The following GLCCI1 variants were observed in gnomAD, a reference collection of about 807,000 sequenced individuals.
GLCCI1 encodes glucocorticoid induced 1, also known as glucocorticoid-induced transcript 1 protein.
Under a neutral mutation model 52.2 loss-of-function variants are expected in GLCCI1, and 24 were observed. That is an observed-to-expected ratio of 0.46 (90% CI 0.33 to 0.65). The LOEUF (loss-of-function observed/expected upper bound fraction) is 0.65, where lower values mean the gene tolerates loss of function less well. GLCCI1 is among the 30% of genes least tolerant of loss of function. The probability of loss-of-function intolerance (pLI) is 0.02; values close to 1 mark genes in which losing one functional copy is unlikely to be tolerated. For synonymous variants in GLCCI1, 310 were observed against 276.5 expected, an observed-to-expected ratio of 1.12 and a Z score of -1.20; for missense variants, 704 against 701.5, an observed-to-expected ratio of 1.00 and a Z score of -0.04.
In GLCCI1 at chr7:8,067,606, G is replaced by A. The variant is rs1380786966; in HGVS notation, c.967-3315G>A. 2.0e-5 allele frequency among the ~76,000 whole-genome samples: 3 copies of A among 152,144 alleles called. No homozygotes were observed. In the East Asian group the frequency reaches 5.8e-4, roughly 29 times the overall value. ...TCTTACCATTTGCTTGTCTGAAAAG[G>A]ATCTTATTTGTCCTGTGCTTATGTA... On this transcript the variant is annotated intron_variant, in intron 5 of 7. Transcript: ENST00000223145.
chr7:8,005,093 T>TA (rs1781121215), intron 2 of GLCCI1, among the ~76,000 whole-genome samples: 1 of 152,182 alleles, frequency 6.6e-6, no homozygotes, highest in African/African-American at 2.4e-5. Flanking sequence ...ATAAGTTTAA[T>TA]ATGGCAGGCA....
Position 8,086,536 on chromosome 7 carries a change from TA to T in GLCCI1, c.*4del. 6.3e-7 allele frequency: 1 copy of T among 1,575,166 alleles called. No homozygotes were observed. On this transcript the variant is annotated frameshift_variant and stop_lost, in exon 8 of 8. Coordinates refer to ENST00000223145, the MANE Select transcript of GLCCI1 (RefSeq NM_138426.4). LOFTEE classifies it high-confidence loss of function. The surrounding 1 kb of genome is among the most constrained non-coding windows in gnomAD (Gnocchi z 4.4). ...HISAQNYVII* is the reference protein window; with the variant it reads ...HISAQNYVIIX ...CTCTGCTCAGAACTATGTGATCATC[TA>T]AAAAAGGGGGAGCTGGCCTCCACCC...
intron 1 of GLCCI1, among the ~76,000 whole-genome samples, chr7:7,979,341 G>C (rs1189817607): frequency 1.3e-5 from 2 of 151,888 alleles, no homozygotes; most frequent in Non-Finnish European, 2.9e-5. Context: ...CAAATAGTGG[G>C]TCAAATTCTT....
At chr7:7,972,991 G>A (rs540342413) in intron 1 of GLCCI1, among the ~76,000 whole-genome samples, 15 of 151,946 alleles carry the variant, frequency 9.9e-5, no homozygotes, top group African/African-American at 3.6e-4. Flanking sequence ...AAACTTCAAG[G>A]TTTGTTATTT....
chr7:7,980,684 T>C, intron 1 of GLCCI1: 1 of 759,090 alleles, frequency 1.3e-6, no homozygotes, highest in Non-Finnish European at 2.3e-6. Context: ...ATGTCCATGG[T>C]GAATAATGAC....
chr7:8,027,196 A>G (rs1413011176), intron 3 of GLCCI1, among the ~76,000 whole-genome samples: 1 of 152,208 alleles, frequency 6.6e-6, no homozygotes, highest in African/African-American at 2.4e-5. Flanking sequence ...CAGACAAAGA[A>G]TTCAAAGTAG....
chr7:7,992,425 T>C (rs1377056181), intron 1 of GLCCI1, among the ~76,000 whole-genome samples: 3 of 152,006 alleles, frequency 2.0e-5, no homozygotes, highest in African/African-American at 7.2e-5. Context: ...TAATAGATTT[T>C]CAGGAAAGAC....
chr7:7,978,331 A>G (rs943859297), intron 1 of GLCCI1, among the ~76,000 whole-genome samples: 1 of 152,184 alleles, frequency 6.6e-6, no homozygotes, highest in Non-Finnish European at 1.5e-5. Flanking sequence ...ATGATTCTCT[A>G]CATTTATCAT....
intron 3 of GLCCI1, among the ~76,000 whole-genome samples, chr7:8,035,893 T>C (rs1781856490): frequency 6.6e-6 from 1 of 152,174 alleles, no homozygotes. Context: ...TCAGGGCTAG[T>C]GATTGTGTCC....
At chr7:8,063,437 C>CACCCAGCCTGTTTTTTGACTTTTTAAG (rs1479231749) in intron 5 of GLCCI1, among the ~76,000 whole-genome samples, 3 of 151,866 alleles carry the variant, frequency 2.0e-5, no homozygotes, top group Non-Finnish European at 1.5e-5. Flanking sequence ...TGAGCCACCG[C>CACCCAGCCTGTTTTTTGACTTTTTAAG]ACCCAGCCTG....
chr7:8,063,785 A>T (rs1782570248), intron 5 of GLCCI1, among the ~76,000 whole-genome samples: 1 of 147,786 alleles, frequency 6.8e-6, no homozygotes, highest in African/African-American at 2.5e-5. Context: ...CAGCCAGCTG[A>T]TTTTTTTTTT....
chr7:8,030,294 A>G (rs1338691859), intron 3 of GLCCI1, among the ~76,000 whole-genome samples: 2 of 152,138 alleles, frequency 1.3e-5, no homozygotes, highest in African/African-American at 4.8e-5. Flanking sequence ...CACATTGGGA[A>G]AAAGACTTCA....
chr7:8,027,583 A>C (rs1208633219), intron 3 of GLCCI1, among the ~76,000 whole-genome samples: 1 of 152,144 alleles, frequency 6.6e-6, no homozygotes, highest in Non-Finnish European at 1.5e-5. Context: ...CCAGAAAACA[A>C]ATAATAAAAT....
At chr7:8,005,427 T>C in intron 2 of GLCCI1, among the ~76,000 whole-genome samples, 1 of 152,188 alleles carries the variant, frequency 6.6e-6, no homozygotes, top group East Asian at 1.9e-4. Context: ...TTATTAACTG[T>C]GTACCGTGTA....
Position 8,064,547 on chromosome 7 carries a change from G to A in GLCCI1, c.966+4299G>A, listed in dbSNP as rs118188325. ...GTCAGGTCATGTGATGCCTCTAGCT[G>A]TGTTCTTCTTGCCTAGGACTACCTT... On this transcript the variant is annotated intron_variant, in intron 5 of 7. Coordinates refer to ENST00000223145, the MANE Select transcript of GLCCI1 (RefSeq NM_138426.4). Among the ~76,000 whole-genome samples the A allele has an allele frequency of 1.1e-4, 17 of 152,210 alleles. No homozygotes were observed. In the East Asian group the frequency reaches 2.9e-3, roughly 26 times the overall value.
rs10435183 is a variant in GLCCI1 at position 8,037,729 on chromosome 7, G to A, written c.696+15160G>A. Among the ~76,000 whole-genome samples the A allele has an allele frequency of 5.8e-3, 887 of 152,158 alleles. 27 individuals carry two copies. In the East Asian group the frequency reaches 0.084, roughly 14 times the overall value. ...CATTCCTTGCAAATGGAAAGAAAAC[G>A]TGAGCAGGAGTAGTCATACTTACAT... On this transcript the variant is annotated intron_variant, in intron 3 of 7. Transcript: ENST00000223145.
chr7:8,051,518 G>T (rs550944441), intron 3 of GLCCI1, among the ~76,000 whole-genome samples: 1 of 152,246 alleles, frequency 6.6e-6, no homozygotes, highest in South Asian at 2.1e-4. Context: ...CTGTTACCTT[G>T]AGTGACTTAG....
At chr7:7,997,297 C>A (rs2115421321) in intron 1 of GLCCI1, among the ~76,000 whole-genome samples, 1 of 152,138 alleles carries the variant, frequency 6.6e-6, no homozygotes, top group East Asian at 1.9e-4. Context: ...ACATTAAAAA[C>A]TATAGCTTTC....
intron 1 of GLCCI1, among the ~76,000 whole-genome samples, chr7:7,991,684 G>A (rs1780840693): frequency 6.6e-6 from 1 of 152,036 alleles, no homozygotes; most frequent in South Asian, 2.1e-4. Context: ...GCAAGGAGAA[G>A]ATCTTCCTCA....
Sources: allele counts gnomAD v4.1 joint callset (sites outside exome capture counted in the v4.1 genomes callset), GRCh38; gene constraint gnomAD v4.1.1; non-coding constraint Gnocchi (gnomAD v3.1); transcripts MANE v1.5; gene names NCBI Gene and HGNC (gene_info 2026-07-23, HGNC 2026-07-21).